The following EML4 variants were observed in gnomAD, a reference collection of about 807,000 sequenced individuals.
EML4 encodes EMAP like 4, also known as echinoderm microtubule-associated protein-like 4.
Under a neutral mutation model 129.0 loss-of-function variants are expected in EML4, and 72 were observed. The ratio of observed to expected loss-of-function variants is 0.56; its 90% confidence interval spans 0.46 to 0.68. EML4 has a LOEUF of 0.68. Among genes scored for constraint, EML4 ranks in the 30% least tolerant of loss-of-function variants. The probability of loss-of-function intolerance (pLI) is 0.00; values close to 1 mark genes in which losing one functional copy is unlikely to be tolerated. For synonymous variants in EML4, 532 were observed against 405.0 expected, an observed-to-expected ratio of 1.31 and a Z score of -3.77; for missense variants, 1,363 against 1,190.6, an observed-to-expected ratio of 1.14 and a Z score of -2.13.
intron 1 of EML4, among the ~76,000 whole-genome samples, chr2:42,216,823 A>T (rs969239576): frequency 6.6e-6 from 1 of 152,152 alleles, no homozygotes; most frequent in Admixed American, 6.5e-5. Flanking sequence ...CAAATTAAAT[A>T]CTGCTTATTG....
At chr2:42,302,557 A>G (rs1007555825) in intron 14 of EML4, among the ~76,000 whole-genome samples, 1 of 149,678 alleles carries the variant, frequency 6.7e-6, no homozygotes, top group Non-Finnish European at 1.5e-5. Flanking sequence ...TTTTTGAGAC[A>G]GAGTCTTGCT....
In EML4 at chr2:42,282,893, A is replaced by C. The variant is rs1420240989; in HGVS notation, c.862A>C (p.Ile288Leu). 6.2e-7 allele frequency: 1 copy of C among 1,611,418 alleles called. No homozygotes were observed. The highest frequency in any genetic ancestry group is 1.7e-5 in the Admixed American group (1 of 60,012). Residue 288 changes from isoleucine to leucine, a missense_variant, in exon 8 of 23, where the codon ATT (isoleucine) becomes CTT (leucine). Physicochemically the swap from Ile to Leu is conservative, Grantham distance 5 (BLOSUM62 2). Transcript: ENST00000318522. ...TCCGACCGGGAAAATAGTTTATTTC[A>C]TTGCATCAGTAGTAGTACTATTTAA... Reference protein sequence around the residue: ...LLPTGKIVYFIASVVVLFNYE... With the variant: ...LLPTGKIVYFLASVVVLFNYE...
At chr2:42,221,670 C>G (rs1221679187) in intron 1 of EML4, among the ~76,000 whole-genome samples, 1 of 151,914 alleles carries the variant, frequency 6.6e-6, no homozygotes, top group East Asian at 1.9e-4. Flanking sequence ...GTGGCGTGAT[C>G]TCGGCTCATC....
At chr2:42,260,629 C>T (rs941577840) in intron 3 of EML4, among the ~76,000 whole-genome samples, 2 of 152,098 alleles carry the variant, frequency 1.3e-5, no homozygotes, top group Non-Finnish European at 2.9e-5. Flanking sequence ...TAACAACTGG[C>T]ATAAACAGAC....
In EML4 at chr2:42,330,307, G is replaced by C; in HGVS notation, c.*100G>C. 1 of 1,112,428 alleles carries C rather than the reference G, an allele frequency of 9.0e-7. No homozygotes were observed. The highest frequency in any genetic ancestry group is 1.3e-6 in the Non-Finnish European group (1 of 747,210). The allele number at this position is 1,112,428 out of a possible 1,614,324, so 68.9% of individuals were successfully genotyped here. ...CAGTGATGGAGAATCACTGTTGATT[G>C]AGATTTTGGTTTCCATGTGATTTGT... On this transcript the variant is annotated 3_prime_UTR_variant, in exon 23 of 23. Coordinates refer to ENST00000318522, the MANE Select transcript of EML4 (RefSeq NM_019063.5).
rs545754096 is a variant in EML4, at chr2:42,296,874, C to T, written c.1489+1358C>T. On this transcript the variant is annotated intron_variant, in intron 13 of 22. Transcript: ENST00000318522. ...TTGACTTCTGGATGGCATTATATCC[C>T]GATAAATCTATCATAATGTCAAAAA... Among the ~76,000 whole-genome samples, 11 of 152,130 alleles carry T rather than the reference C, an allele frequency of 7.2e-5. No homozygotes were observed. In the East Asian group the frequency reaches 1.7e-3, roughly 24 times the overall value.
At chr2:42,270,992 C>T (rs1425348192) in intron 6 of EML4, among the ~76,000 whole-genome samples, 1 of 152,144 alleles carries the variant, frequency 6.6e-6, no homozygotes, top group African/African-American at 2.4e-5. Context: ...ACCTCCCGGG[C>T]TCAGTTGATC....
intron 2 of EML4, among the ~76,000 whole-genome samples, chr2:42,248,618 A>G (rs746637087): frequency 3.9e-5 from 6 of 152,170 alleles, no homozygotes; most frequent in Non-Finnish European, 8.8e-5. Flanking sequence ...CCACAGAACC[A>G]TCTCTGTGGA....
chr2:42,276,722 T>C (rs974015686), intron 6 of EML4, among the ~76,000 whole-genome samples: 14 of 152,230 alleles, frequency 9.2e-5, no homozygotes, highest in South Asian at 2.1e-4. Context: ...ACTTTATGTA[T>C]TGAGAAAACG....
At chr2:42,251,755 C>G (rs1031430293) in intron 2 of EML4, among the ~76,000 whole-genome samples, 13 of 152,200 alleles carry the variant, frequency 8.5e-5, no homozygotes, top group African/African-American at 3.1e-4. Context: ...TAGACTATCT[C>G]TACCCTTCTG....
chr2:42,169,791 C>G, intron 1 of EML4, 155 bp downstream of exon 1: 3 of 754,172 alleles, frequency 4.0e-6, no homozygotes, highest in Non-Finnish European at 6.0e-6. Flanking sequence ...TCCGCGGACT[C>G]CGGTGGACTG....
chr2:42,327,105 C>A (rs1157209940), intron 21 of EML4, among the ~76,000 whole-genome samples: 1 of 152,110 alleles, frequency 6.6e-6, no homozygotes, highest in Non-Finnish European at 1.5e-5. Flanking sequence ...AATATTTGAT[C>A]CACTGAGACT....
At chr2:42,237,999 G>A (rs1674782136) in intron 1 of EML4, among the ~76,000 whole-genome samples, 1 of 152,194 alleles carries the variant, frequency 6.6e-6, no homozygotes, top group Non-Finnish European at 1.5e-5. Flanking sequence ...CCATGTGGGT[G>A]TCTGAAATAG....
At chr2:42,305,712 C>G (rs966621132) in intron 17 of EML4, among the ~76,000 whole-genome samples, 1 of 152,122 alleles carries the variant, frequency 6.6e-6, no homozygotes, top group Non-Finnish European at 1.5e-5. Context: ...GAGACAAAAA[C>G]ATGAAGTCAA....
chr2:42,296,284 G>A (rs1667948918), intron 13 of EML4, among the ~76,000 whole-genome samples: 1 of 152,072 alleles, frequency 6.6e-6, no homozygotes, highest in Non-Finnish European at 1.5e-5. Flanking sequence ...AGCAGCAACA[G>A]GTGGTAACAG....
At chr2:42,172,587 C>T (rs1219094402) in intron 1 of EML4, among the ~76,000 whole-genome samples, 3 of 152,042 alleles carry the variant, frequency 2.0e-5, no homozygotes, top group African/African-American at 4.8e-5. Flanking sequence ...TGGAATTTCC[C>T]TTAGGTATTA....
intron 6 of EML4, among the ~76,000 whole-genome samples, chr2:42,267,424 G>T (rs1307662432): frequency 1.3e-5 from 2 of 152,034 alleles, no homozygotes; most frequent in African/African-American, 4.8e-5. Flanking sequence ...GTCATTTTTT[G>T]ACATTCTTTT....
chr2:42,246,486 A>G (rs1675409273), intron 2 of EML4, among the ~76,000 whole-genome samples: 1 of 152,186 alleles, frequency 6.6e-6, no homozygotes, highest in African/African-American at 2.4e-5. Flanking sequence ...GAGGAGTTTT[A>G]TATAACTCCC....
chr2:42,305,493 A>T (rs1418485829), intron 17 of EML4, among the ~76,000 whole-genome samples: 1 of 152,232 alleles, frequency 6.6e-6, no homozygotes, highest in Non-Finnish European at 1.5e-5. Context: ...TTGAGCATTT[A>T]TAAGTTGTTT....
Sources: allele counts gnomAD v4.1 joint callset (sites outside exome capture counted in the v4.1 genomes callset), GRCh38; gene constraint gnomAD v4.1.1; transcripts MANE v1.5; gene names NCBI Gene and HGNC (gene_info 2026-07-23, HGNC 2026-07-21).